PLEKHA6: variants seen among roughly 807,000 people sequenced by gnomAD.
PLEKHA6 encodes pleckstrin homology domain containing A6.
In PLEKHA6, 60 loss-of-function variants were observed where a neutral mutation model predicts 116.7. The ratio of observed to expected loss-of-function variants is 0.51; its 90% CI spans 0.42 to 0.64. The LOEUF is 0.64. Among genes scored for constraint, PLEKHA6 ranks in the 30% least tolerant of loss-of-function variants. The probability of loss-of-function intolerance (pLI) is 0.00; values close to 1 mark genes in which losing one functional copy is unlikely to be tolerated. For synonymous variants in PLEKHA6, 489 were observed against 556.1 expected (o/e 0.88, Z 1.70); for missense variants, 1,338 against 1,422.7 (o/e 0.94, Z 0.96).
chr1:204,258,295 C>A (rs940137960), intron 8 of PLEKHA6, among the ~76,000 whole-genome samples: 6 of 152,138 alleles, frequency 3.9e-5, no homozygotes, highest in Non-Finnish European at 7.4e-5. Context: ...AGATGAGGTC[C>A]ATTCTGTCAC....
At chr1:204,227,995 C>T (rs893705198) in intron 21 of PLEKHA6, 88 bp downstream of exon 21, 8 of 1,335,044 alleles carry the variant, frequency 6.0e-6, no homozygotes, top group East Asian at 2.4e-5. Context: ...TTTGCTACTG[C>T]CCCCCTTGTA....
At chr1:204,374,979 T>C (rs1185128596) in intron 1 of PLEKHA6, among the ~76,000 whole-genome samples, 1 of 152,214 alleles carries the variant, frequency 6.6e-6, no homozygotes, top group Admixed American at 6.5e-5. Flanking sequence ...GCTTTTCTGC[T>C]GCATCCAATA....
intron 6 of PLEKHA6, among the ~76,000 whole-genome samples, chr1:204,263,323 G>C (rs1666371252): frequency 6.6e-6 from 1 of 152,216 alleles, no homozygotes; most frequent in African/African-American, 2.4e-5. Flanking sequence ...CCTCTGTGGG[G>C]CCAGAGTTAG....
At chr1:204,308,978 C>T (rs911258274) in intron 1 of PLEKHA6, 22 of 605,440 alleles carry the variant, frequency 3.6e-5, no homozygotes, top group Admixed American at 2.5e-4. Flanking sequence ...CGTGAGCCAC[C>T]ACGCCCGGCC....
intron 3 of PLEKHA6, among the ~76,000 whole-genome samples, chr1:204,269,552 C>T (rs1006881540): frequency 2.0e-5 from 3 of 151,434 alleles, no homozygotes; most frequent in Middle Eastern, 3.2e-3. Context: ...ACACCCTCAC[C>T]ATCCTTCCCA....
At chr1:204,309,604 G>C (rs935897745) in intron 1 of PLEKHA6, 1 of 303,808 alleles carries the variant, frequency 3.3e-6, no homozygotes, top group Non-Finnish European at 4.8e-6. Flanking sequence ...ACACTGTCAT[G>C]TTCGCATGAC....
At chr1:204,317,982 C>T (rs1228254376) in intron 1 of PLEKHA6, among the ~76,000 whole-genome samples, 1 of 152,120 alleles carries the variant, frequency 6.6e-6, no homozygotes, top group Non-Finnish European at 1.5e-5. Context: ...TACACAAGTG[C>T]TATATAAAAG....
chr1:204,375,613 C>G (rs971880474), intron 1 of PLEKHA6, among the ~76,000 whole-genome samples: 2 of 152,128 alleles, frequency 1.3e-5, no homozygotes, highest in Non-Finnish European at 2.9e-5. Context: ...CTGCCTCTCG[C>G]TCAGCCTCAA....
chr1:204,282,904 G>GA, intron 1 of PLEKHA6: 3 of 646,542 alleles, frequency 4.6e-6, no homozygotes, highest in Non-Finnish European at 3.8e-6. Flanking sequence ...CAGAAGCAGA[G>GA]AAAAAAGGCC....
chr1:204,279,549 T>C (rs937604912), intron 1 of PLEKHA6, among the ~76,000 whole-genome samples: 1 of 152,220 alleles, frequency 6.6e-6, no homozygotes, highest in African/African-American at 2.4e-5. Context: ...GACAAATGAT[T>C]ATGAATCCAT....
chr1:204,223,609 G>T lies in PLEKHA6; in HGVS notation c.3032-24C>A. 1 of 411,836 alleles carries T rather than the reference G, an allele frequency of 2.4e-6. No individual in the cohort carries two copies. The highest frequency in any genetic ancestry group is 4.7e-6 in the Non-Finnish European group (1 of 214,692). The allele number at this position is 411,836 out of a possible 1,614,324, so 25.5% of individuals were successfully genotyped here. On this transcript the variant is annotated intron_variant, in intron 21 of 22. Transcript: ENST00000272203. The surrounding 1 kb of genome is among the most constrained non-coding windows in gnomAD (Gnocchi z 4.8). ...CACTGGAAACAGAAATGAACAGGGA[G>T]GTGAATGGGGGTGGGTGGGGGAGGA...
Position 204,249,229 on chromosome 1 carries a change from C to T in PLEKHA6, c.1629G>A (p.Val543=). The T allele has an allele frequency of 6.2e-7, 1 of 1,614,014 alleles. No individual in the cohort carries two copies. Among genetic ancestry groups the T allele is most frequent in the Non-Finnish European group, 8.5e-7 (1 of 1,179,830 alleles). The change falls in exon 11 of 23, where the codon GTG becomes GTA. Residue 543 remains valine, a synonymous_variant. Coordinates refer to ENST00000272203, the MANE Select transcript of PLEKHA6 (RefSeq NM_014935.5). The part of the protein sequence containing the change: ...LLGKLCEQNK[V]VREQDRLVQQ... ...GCACCAGCCGGTCCTGCTCCCTCAC[C>T]ACCTTGTTCTGCTCACACAATTTTC...
chr1:204,312,659 C>T (rs147186339), intron 1 of PLEKHA6, among the ~76,000 whole-genome samples: 1 of 152,158 alleles, frequency 6.6e-6, no homozygotes, highest in African/African-American at 2.4e-5. Flanking sequence ...ACCACAGGAC[C>T]TCTTTACCCA....
At chr1:204,371,821 A>G (rs775207159) in intron 1 of PLEKHA6, among the ~76,000 whole-genome samples, 12 of 152,252 alleles carry the variant, frequency 7.9e-5, no homozygotes, top group Admixed American at 2.6e-4. Context: ...CCTAACCTCA[A>G]AGAATCTACA....
intron 1 of PLEKHA6, among the ~76,000 whole-genome samples, chr1:204,333,331 G>A (rs768952452): frequency 6.6e-6 from 1 of 152,194 alleles, no homozygotes; most frequent in South Asian, 2.1e-4. Context: ...CACCCCAAAG[G>A]CCCCTTCTTT....
intron 13 of PLEKHA6, among the ~76,000 whole-genome samples, chr1:204,246,176 A>G (rs1663642596): frequency 6.6e-6 from 1 of 152,182 alleles, no homozygotes; most frequent in South Asian, 2.1e-4. Flanking sequence ...ATTACAGTTG[A>G]CAGTCTAAAA....
chr1:204,374,638 G>A (rs894472947), intron 1 of PLEKHA6, among the ~76,000 whole-genome samples: 47 of 151,952 alleles, frequency 3.1e-4, no homozygotes, highest in African/African-American at 1.1e-3. Flanking sequence ...CTTCTGTTGA[G>A]CATCCCAGCC....
chr1:204,261,850 C>T lies in PLEKHA6; in HGVS notation c.382-402G>A. ...CCCTGAGCACATGCCAATCTTAGCCCCAGCTTCACTGCTGAGAAGCTAGCA... is the reference window on the plus strand; with the variant it reads ...CCCTGAGCACATGCCAATCTTAGCCTCAGCTTCACTGCTGAGAAGCTAGCA... On this transcript the variant is annotated intron_variant, in intron 6 of 22. Coordinates refer to ENST00000272203, the MANE Select transcript of PLEKHA6 (RefSeq NM_014935.5). This position sits in a 1 kb window ranked among gnomAD's most constrained non-coding sequence, Gnocchi z 4.0. 1 of 308,372 alleles carries T rather than the reference C, an allele frequency of 3.2e-6. No individual in the cohort carries two copies. Among genetic ancestry groups the T allele is most frequent in the Non-Finnish European group, 5.9e-6 (1 of 168,092 alleles). The allele number at this position is 308,372 out of a possible 1,614,324, so 19.1% of individuals were successfully genotyped here. A position where few individuals can be genotyped will look rare whatever the true frequency, so the allele number is the denominator to read the frequency against.
chr1:204,260,465 C>G (rs1558089086), intron 7 of PLEKHA6, among the ~76,000 whole-genome samples: 1 of 152,236 alleles, frequency 6.6e-6, no homozygotes, highest in African/African-American at 2.4e-5. Context: ...GCACCCACTA[C>G]AGTGCCTTGC....
Sources: gnomAD v4.1 joint callset for allele counts (sites outside exome capture counted in the v4.1 genomes callset) on GRCh38, gnomAD v4.1.1 for gene constraint, Gnocchi (gnomAD v3.1) non-coding constraint, MANE v1.5 for transcripts, NCBI Gene and HGNC (gene_info 2026-07-23, HGNC 2026-07-21) for gene names.